Variants in COL17A1 observed in about 807,000 individuals in gnomAD.
COL17A1 encodes collagen alpha-1(XVII) chain.
A neutral mutation model predicts 218.4 loss-of-function variants in COL17A1; 181 were observed. The observed-to-expected ratio is 0.83, with a 90% CI of 0.73 to 0.94. COL17A1 has a LOEUF of 0.94. Ranked by LOEUF, COL17A1 falls within the 40% of genes least tolerant of loss-of-function variation. COL17A1 has a pLI of 0.00. For synonymous variants in COL17A1, 721 were observed against 731.0 expected, an observed-to-expected ratio of 0.99 and a Z score of 0.22; for missense variants, 1,924 against 1,945.9, an observed-to-expected ratio of 0.99 and a Z score of 0.21.
rs746116200 is a variant in COL17A1 at position 104,035,493 on chromosome 10, C to A, written c.3489G>T (p.Glu1163Asp). Residue 1163 changes from glutamate to aspartate, a missense_variant, in exon 49 of 56, where the codon GAG becomes GAT. Physicochemically the swap from Glu to Asp is conservative, Grantham distance 45 (BLOSUM62 2). Transcript: ENST00000648076. ...CCTTACCTCGCAGCAAGGAGAGGAGCTCCTCATAGGAGGTTCCCGGCAAGC... is the reference window on the plus strand; with the variant it reads ...CCTTACCTCGCAGCAAGGAGAGGAGATCCTCATAGGAGGTTCCCGGCAAGC... ...PPGLPGTSYE[E>D]LLSLLRGSEF... The A allele has an allele frequency of 9.7e-5, 157 of 1,613,790 alleles. 1 individual carries two copies. In the East Asian group the frequency reaches 3.5e-3, roughly 36 times the overall value.
At chr10:104,080,517 A>G in intron 2 of COL17A1, 105 bp downstream of exon 2, 1 of 1,333,786 alleles carries the variant, frequency 7.5e-7, no homozygotes, top group Non-Finnish European at 1.0e-6. Flanking sequence ...CTTAAACATG[A>G]TACAGTGGTT....
chr10:104,035,768 G>A (rs1318593213), intron 48 of COL17A1, among the ~76,000 whole-genome samples: 1 of 152,146 alleles, frequency 6.6e-6, no homozygotes, highest in African/African-American at 2.4e-5. Flanking sequence ...GTGTGCCTGT[G>A]TGCTTCATTC....
intron 1 of COL17A1, among the ~76,000 whole-genome samples, chr10:104,084,819 A>G (rs1208466477): frequency 6.6e-6 from 1 of 152,236 alleles, no homozygotes; most frequent in Non-Finnish European, 1.5e-5. Context: ...TATGGAGGTA[A>G]GAAGAAACTA....
intron 47 of COL17A1, 95 bp from the exon 48 acceptor site, chr10:104,036,727 C>T (rs1385747359): frequency 6.8e-7 from 1 of 1,462,050 alleles, no homozygotes; most frequent in African/African-American, 1.4e-5. Context: ...CACAAACTGG[C>T]TCCTGCGTGA....
intron 1 of COL17A1, among the ~76,000 whole-genome samples, chr10:104,082,473 A>G (rs763988750): frequency 5.3e-5 from 8 of 152,244 alleles, no homozygotes; most frequent in Non-Finnish European, 7.3e-5. Flanking sequence ...TGGGGAGATT[A>G]AACCTTTAAA....
chr10:104,067,585 G>A (rs543610411), intron 9 of COL17A1, among the ~76,000 whole-genome samples: 1 of 152,130 alleles, frequency 6.6e-6, no homozygotes, highest in Non-Finnish European at 1.5e-5. Context: ...GGGGAGCCAC[G>A]GCATGGCTCA....
chr10:104,047,708 G>T, intron 31 of COL17A1, 31 bp downstream of exon 31: 1 of 1,578,644 alleles, frequency 6.3e-7, no homozygotes, highest in Non-Finnish European at 8.7e-7. Context: ...ACACTAAGCA[G>T]GGCCATGGCT....
chr10:104,076,495 G>T, intron 4 of COL17A1, 66 bp from the exon 5 acceptor site: 1 of 1,608,330 alleles, frequency 6.2e-7, no homozygotes, highest in South Asian at 1.1e-5. Flanking sequence ...TGGCTACTGT[G>T]ACCCAGCTAT....
In COL17A1 at chr10:104,039,597, T is replaced by C; in HGVS notation, c.2821+11A>G. The C allele has an allele frequency of 6.2e-7, 1 of 1,614,142 alleles. No individual in the cohort carries two copies. Among genetic ancestry groups the C allele is most frequent in the Non-Finnish European group, 8.5e-7 (1 of 1,180,022 alleles). On this transcript the variant is annotated intron_variant, in intron 42 of 55. Coordinates refer to ENST00000648076, the MANE Select transcript of COL17A1 (RefSeq NM_000494.4). ...GGCCAGAGCCAGAATGGGGCGGGGT[T>C]CAGCCCTTACCTGAGGTTGAGAAAC...
chr10:104,051,367 T>TA, intron 25 of COL17A1, 114 bp downstream of exon 25: 4 of 1,346,664 alleles, frequency 3.0e-6, no homozygotes, highest in Non-Finnish European at 4.2e-6. Flanking sequence ...TCTATATCTC[T>TA]AGGAGGCTTG....
At chr10:104,080,971 G>T (rs1039142075) in intron 1 of COL17A1, among the ~76,000 whole-genome samples, 1 of 152,200 alleles carries the variant, frequency 6.6e-6, no homozygotes, top group Admixed American at 6.5e-5. Flanking sequence ...TTACATAGCA[G>T]ATCAGGTGTC....
rs746797466 is a variant in COL17A1 at position 104,049,471 on chromosome 10, C to A, written c.2165G>T (p.Gly722Val). ...AGGCAAACCTCTCATGCCAGGCTCG[C>A]CTGCAAAGGACAAAGAACTAGCTGG... ...QGEKGPRGLTGEPGMRGLPGA... is the reference protein window; with the variant it reads ...QGEKGPRGLTVEPGMRGLPGA... Residue 722 changes from glycine (G) to valine (V), a missense_variant and splice_region_variant, in exon 29 of 56, where the codon GGC becomes GTC. Coordinates refer to ENST00000648076, the MANE Select transcript of COL17A1 (RefSeq NM_000494.4). 1 of 1,614,208 alleles carries A rather than the reference C, an allele frequency of 6.2e-7. No homozygotes were observed. The highest frequency in any genetic ancestry group is 1.1e-5 in the South Asian group (1 of 91,084).
chr10:104,033,922 A>G (rs142094901), intron 52 of COL17A1, 23 bp downstream of exon 52: 3 of 1,613,912 alleles, frequency 1.9e-6, no homozygotes. Context: ...CCCCAGCACC[A>G]AGGCCTAAAT....
At chr10:104,045,836 C>T (rs1474260102) in intron 32 of COL17A1, 43 bp from the exon 33 acceptor site, 1 of 1,551,694 alleles carries the variant, frequency 6.4e-7, no homozygotes, top group Non-Finnish European at 8.9e-7. Context: ...GAAGGCCCAG[C>T]AATTCCAGAT....
chr10:104,078,432 G>T, intron 3 of COL17A1, 110 bp downstream of exon 3: 1 of 1,311,906 alleles, frequency 7.6e-7, no homozygotes, highest in Non-Finnish European at 1.1e-6. Flanking sequence ...TGTCAATATA[G>T]CTGTTAAAAA....
At chr10:104,049,366 T>C in intron 29 of COL17A1, 43 bp downstream of exon 29, 2 of 1,593,144 alleles carry the variant, frequency 1.3e-6, no homozygotes, top group Non-Finnish European at 1.7e-6. Flanking sequence ...TGGTGACCCC[T>C]CAGATGGGGA....
In COL17A1 at chr10:104,072,078, C is replaced by T. The variant is rs1253414161; in HGVS notation, c.417G>A (p.Glu139=). Residue 139 remains glutamate (E), a splice_region_variant and synonymous_variant, in exon 8 of 56, where the codon GAG becomes GAA. Coordinates refer to ENST00000648076, the MANE Select transcript of COL17A1 (RefSeq NM_000494.4). The stretch of plus-strand genomic sequence containing the variant: ...TCTGCAGTCGAACTCGAATTTCACT[C>T]TCTGTACAAGGGAAGAGATAGAGAA... ...SSTRGRSQTR[E]SEIRVRLQSA... 2 of 1,614,140 alleles carry T rather than the reference C, an allele frequency of 1.2e-6. No homozygotes were observed. The highest frequency in any genetic ancestry group is 1.7e-5 in the Admixed American group (1 of 60,012).
At chr10:104,043,665 G>C in intron 34 of COL17A1, 84 bp from the exon 35 acceptor site, 5 of 1,526,886 alleles carry the variant, frequency 3.3e-6, no homozygotes, top group Non-Finnish European at 4.5e-6. Flanking sequence ...GTGGTGGGCA[G>C]CCTGGCATTT....
intron 2 of COL17A1, 146 bp downstream of exon 2, chr10:104,080,476 T>C: frequency 1.1e-6 from 1 of 891,912 alleles, no homozygotes; most frequent in Non-Finnish European, 1.7e-6. Context: ...AGCTGTCTTA[T>C]GAGAAGGATT....
Sources: allele counts gnomAD v4.1 joint callset (sites outside exome capture counted in the v4.1 genomes callset), GRCh38; gene constraint gnomAD v4.1.1; transcripts MANE v1.5; gene names NCBI Gene and HGNC (gene_info 2026-07-23, HGNC 2026-07-21).